The following SSBP3 variants were observed in gnomAD, a reference collection of about 807,000 sequenced individuals.
The protein encoded by SSBP3 is single stranded DNA binding protein 3.
Under a neutral mutation model 69.6 loss-of-function variants are expected in SSBP3, and 5 were observed. That is an observed-to-expected ratio of 0.07 (90% CI 0.04 to 0.15). The LOEUF (loss-of-function observed/expected upper bound fraction) is 0.15, where lower values mean the gene tolerates loss of function less well. Among genes scored for constraint, SSBP3 ranks in the 10% least tolerant of loss-of-function variants. The probability of loss-of-function intolerance (pLI) is 1.00; values close to 1 mark genes in which losing one functional copy is unlikely to be tolerated. For missense variants in SSBP3, 312 were observed against 534.0 expected, an observed-to-expected ratio of 0.58 and a Z score of 4.10; for synonymous variants, 196 against 193.4, an observed-to-expected ratio of 1.01 and a Z score of -0.11.
intron 4 of SSBP3, among the ~76,000 whole-genome samples, chr1:54,319,317 TC>T (rs1646171835): frequency 6.6e-6 from 1 of 151,944 alleles, no homozygotes; most frequent in African/African-American, 2.4e-5. Flanking sequence ...ACGGTCACCT[TC>T]TCCCCACCCT....
intron 5 of SSBP3, among the ~76,000 whole-genome samples, chr1:54,267,255 T>C (rs915385500): frequency 1.4e-4 from 21 of 152,212 alleles, no homozygotes; most frequent in Non-Finnish European, 2.9e-5. Context: ...ATTCCACATG[T>C]ATCCATACAA....
At chr1:54,240,109 C>T (rs150709047) in intron 13 of SSBP3, among the ~76,000 whole-genome samples, 101 of 3,002 alleles carry the variant, frequency 0.034, no homozygotes, top group Admixed American at 0.065. Flanking sequence ...CGTGTGCGTG[C>T]GCGCGCGCGC....
chr1:54,305,243 G>GT (rs2100218094), intron 4 of SSBP3, among the ~76,000 whole-genome samples: 1 of 152,312 alleles, frequency 6.6e-6, no homozygotes, highest in Admixed American at 6.5e-5. Flanking sequence ...TTCAGTAGCT[G>GT]TGAGTTTCTC....
intron 4 of SSBP3, among the ~76,000 whole-genome samples, chr1:54,311,923 C>G (rs982287376): frequency 6.6e-6 from 1 of 152,200 alleles, no homozygotes; most frequent in Non-Finnish European, 1.5e-5. Flanking sequence ...CCAGCGCACT[C>G]ACAGCTGGGG....
upstream of SSBP3, among the ~76,000 whole-genome samples, chr1:54,409,297 C>T (rs951131725): frequency 1.3e-5 from 2 of 152,108 alleles, no homozygotes; most frequent in Non-Finnish European, 2.9e-5. Flanking sequence ...GGAGTGAAAC[C>T]TGTCCTTCTG....
intron 5 of SSBP3, among the ~76,000 whole-genome samples, chr1:54,278,797 G>A (rs1328185493): frequency 6.6e-6 from 1 of 152,260 alleles, no homozygotes; most frequent in African/African-American, 2.4e-5. Flanking sequence ...TGGCCAAGCA[G>A]GGGAAGGAGT....
At chr1:54,369,221 G>C (rs530577199) in intron 4 of SSBP3, among the ~76,000 whole-genome samples, 34 of 150,626 alleles carry the variant, frequency 2.3e-4, no homozygotes, top group East Asian at 5.9e-4. Context: ...CTTGAGTCGG[G>C]GGGGGGGCCC....
At chr1:54,374,817 T>A (rs1057149053) in intron 4 of SSBP3, among the ~76,000 whole-genome samples, 1 of 152,242 alleles carries the variant, frequency 6.6e-6, no homozygotes, top group Non-Finnish European at 1.5e-5. Context: ...GTGAGCTAAC[T>A]GACTTCCAGA....
intron 4 of SSBP3, among the ~76,000 whole-genome samples, chr1:54,383,510 C>G (rs1342824602): frequency 6.6e-6 from 1 of 152,172 alleles, no homozygotes; most frequent in African/African-American, 2.4e-5. Flanking sequence ...GACCACAGCT[C>G]CAAGCCCTAA....
intron 4 of SSBP3, among the ~76,000 whole-genome samples, chr1:54,344,199 A>T (rs999756929): frequency 6.6e-6 from 1 of 152,196 alleles, no homozygotes; most frequent in African/African-American, 2.4e-5. Context: ...CCAAGACATG[A>T]ATCAGGATAT....
chr1:54,404,948 G>C lies in SSBP3; in HGVS notation c.57-18C>G. ...AAGCTAACCTGGAAAGTGGACAGGG[G>C]GCAAAGAGAGAGAGGGAAAGGCGTC... On this transcript the variant is annotated intron_variant, in intron 1 of 17. Coordinates refer to ENST00000610401, the Ensembl canonical transcript of SSBP3. 6.2e-7 allele frequency: 1 copy of C among 1,608,966 alleles called. No homozygotes were observed. The highest frequency in any genetic ancestry group is 8.5e-7 in the Non-Finnish European group (1 of 1,177,312).
chr1:54,275,189 T>C (rs1444755622), intron 5 of SSBP3, among the ~76,000 whole-genome samples: 1 of 152,146 alleles, frequency 6.6e-6, no homozygotes, highest in Non-Finnish European at 1.5e-5. Context: ...ACCGAGGGGC[T>C]AAGGGACGAC....
At chr1:54,239,314 G>T in intron 13 of SSBP3, 115 bp from the exon 14 acceptor site, 1 of 765,526 alleles carries the variant, frequency 1.3e-6, no homozygotes, top group Non-Finnish European at 2.1e-6. Context: ...TTTCCTCTAA[G>T]TACCACCATT....
chr1:54,394,152 C>G (rs1648691513), intron 4 of SSBP3, among the ~76,000 whole-genome samples: 1 of 152,186 alleles, frequency 6.6e-6, no homozygotes, highest in Admixed American at 6.5e-5. Context: ...GTAACTGCAA[C>G]AAGGCAAAGG....
At chr1:54,302,305 G>A (rs1315013704) in intron 4 of SSBP3, among the ~76,000 whole-genome samples, 3 of 149,636 alleles carry the variant, frequency 2.0e-5, no homozygotes, top group Non-Finnish European at 4.4e-5. Context: ...TGTAGCTCAC[G>A]ACTCTGAGCA....
intron 4 of SSBP3, among the ~76,000 whole-genome samples, chr1:54,362,921 T>C (rs1004935925): frequency 6.6e-6 from 1 of 152,016 alleles, no homozygotes; most frequent in African/African-American, 2.4e-5. Flanking sequence ...AGTTGCAATC[T>C]GACTGGATGG....
intron 4 of SSBP3, among the ~76,000 whole-genome samples, chr1:54,396,462 C>T (rs1021957711): frequency 6.6e-6 from 1 of 152,124 alleles, no homozygotes; most frequent in Non-Finnish European, 1.5e-5. Flanking sequence ...TCCCCAAGTA[C>T]ACACACCTCC....
intron 5 of SSBP3, among the ~76,000 whole-genome samples, chr1:54,277,553 T>A (rs148296721): frequency 7.2e-5 from 11 of 152,344 alleles, no homozygotes; most frequent in African/African-American, 2.6e-4. Flanking sequence ...CATTCACCTT[T>A]CTGAGTCTCA....
At chr1:54,319,215 G>A (rs1028890773) in intron 4 of SSBP3, among the ~76,000 whole-genome samples, 1 of 152,122 alleles carries the variant, frequency 6.6e-6, no homozygotes, top group Non-Finnish European at 1.5e-5. Flanking sequence ...GAAAACTGAG[G>A]CTCAGCGAAG....
Sources: allele counts gnomAD v4.1 joint callset (sites outside exome capture counted in the v4.1 genomes callset), GRCh38; gene constraint gnomAD v4.1.1; transcripts MANE v1.5; gene names NCBI Gene and HGNC (gene_info 2026-07-23, HGNC 2026-07-21).